The following TIMM17B variants were observed in gnomAD, a reference collection of about 807,000 sequenced individuals.
TIMM17B encodes translocase of inner mitochondrial membrane 17B, also known as mitochondrial import inner membrane translocase subunit Tim17-B.
TIMM17B carries 10 observed loss-of-function variants against 15.9 expected under a neutral mutation model. The ratio of observed to expected loss-of-function variants is 0.63; its 90% CI spans 0.39 to 1.06. The LOEUF (loss-of-function observed/expected upper bound fraction) is 1.06. Among genes scored for constraint, TIMM17B ranks in the 50% least tolerant of loss-of-function variants. The pLI is 0.01. For missense variants in TIMM17B, 114 were observed against 152.2 expected, an observed-to-expected ratio of 0.75 and a Z score of 1.32; for synonymous variants, 57 against 57.2, an observed-to-expected ratio of 1.00 and a Z score of 0.02.
intron 3 of TIMM17B, 129 bp downstream of exon 2, chrX:48,896,630 C>T (rs1196835808): frequency 1.8e-6 from 2 of 1,108,388 alleles, no homozygotes; most frequent in East Asian, 3.3e-5. Flanking sequence ...AGGCTCGGCA[C>T]ATAGTAGGTG....
chrX:48,896,556 G>A (rs1365058899), intron 3 of TIMM17B: 5 of 812,340 alleles, frequency 6.2e-6, no homozygotes, highest in Non-Finnish European at 8.4e-6. Flanking sequence ...CCAGTTGGGT[G>A]GGGTGGAGGG....
intron 3 of TIMM17B, chrX:48,895,567 A>C (rs1018660725): frequency 3.4e-5 from 17 of 493,487 alleles, no homozygotes; most frequent in Non-Finnish European, 4.7e-5. Flanking sequence ...CTCTTGAAGG[A>C]GGGGGAATCT....
In TIMM17B at chrX:48,895,118, A is replaced by G. The variant is rs1557039262; in HGVS notation, c.127-17T>C. The G allele has an allele frequency of 8.5e-7, 1 of 1,173,507 alleles. No homozygotes were observed. Among genetic ancestry groups the G allele is most frequent in the South Asian group, 1.9e-5 (1 of 51,869 alleles). On this transcript the variant is annotated splice_polypyrimidine_tract_variant and intron_variant, in intron 3 of 6. Transcript: ENST00000376582. ...CCGAATTCCCTGGGGAAAGGAAGGA[A>G]GGGCGTTAGGGCAGGGCTGAAGCCA...
At chrX:48,897,853 C>A (rs1474761944) in intron 1 of TIMM17B, 85 bp from the exon 1 acceptor site, 2 of 1,084,787 alleles carry the variant, frequency 1.8e-6, no homozygotes, top group African/African-American at 1.8e-5. Context: ...GTCGCTATAC[C>A]GCATGTCACG....
chrX:48,897,746 C>A lies in TIMM17B; in HGVS notation c.4G>T (p.Glu2Ter). ...TACCAGGGCTCCCGAGCGTACTCCT[C>A]CATGGCGCTGGCGTCTGGCCGCGCA... The change falls in exon 2 of 7, where the codon GAG (glutamate) becomes TAG (stop). Residue 2 changes from glutamate (E) to a stop codon, truncating the protein, a stop_gained. Coordinates refer to ENST00000376582, the Ensembl canonical transcript of TIMM17B. LOFTEE classifies it high-confidence loss of function. The A allele has an allele frequency of 8.3e-7, 1 of 1,210,134 alleles. No individual in the cohort carries two copies. The highest frequency in any genetic ancestry group is 1.1e-6 in the Non-Finnish European group (1 of 894,649).
chrX:48,897,002 A>G (rs1332536031), intron 2 of TIMM17B, 144 bp from the exon 2 acceptor site: 3 of 1,083,062 alleles, frequency 2.8e-6, no homozygotes, highest in Non-Finnish European at 2.4e-6. Flanking sequence ...ATAATGAGCT[A>G]GTTCTGTCAC....
intron 3 of TIMM17B, chrX:48,895,360 C>G (rs781934054): frequency 6.6e-5 from 34 of 513,919 alleles, no homozygotes; most frequent in Non-Finnish European, 1.0e-4. Flanking sequence ...ACTATATGTG[C>G]CAAGCACCAT....
At chrX:48,895,256 C>T (rs782082888) in intron 3 of TIMM17B, 155 bp from the exon 3 acceptor site, 1 of 499,176 alleles carries the variant, frequency 2.0e-6, no homozygotes, top group Non-Finnish European at 3.5e-6. Context: ...TGGAGAGCGC[C>T]CCAACATGGG....
chrX:48,893,537 G>T, exon 7 of TIMM17B: 1 of 393,616 alleles, frequency 2.5e-6, no homozygotes, highest in Non-Finnish European at 4.4e-6. Flanking sequence ...GTGGGGCTGG[G>T]GTGCCCTGAG....
chrX:48,894,176 C>T, exon 5 of TIMM17B: 1 of 1,208,304 alleles, frequency 8.3e-7, no homozygotes, highest in African/African-American at 1.7e-5. Flanking sequence ...GAAGCCGCAC[C>T]AGGCCACAGT....
intron 1 of TIMM17B, chrX:48,898,000 G>A (rs2063334042): frequency 1.0e-6 from 1 of 973,910 alleles, no homozygotes; most frequent in Non-Finnish European, 1.3e-6. Context: ...TGGGAAGAGA[G>A]TCGTGTGGGC....
intron 3 of TIMM17B, 153 bp from the exon 3 acceptor site, chrX:48,895,254 G>A (rs904383768): frequency 3.8e-5 from 19 of 496,724 alleles, no homozygotes; most frequent in African/African-American, 2.3e-4. Flanking sequence ...CCTGGAGAGC[G>A]CCCCAACATG....
chrX:48,896,127 G>C (rs992234777), intron 3 of TIMM17B: 6 of 98,110 alleles, frequency 6.1e-5, no homozygotes, highest in Admixed American at 4.6e-4. Flanking sequence ...ACGCCAGCCT[G>C]GGCAACAGGG....
chrX:48,895,005 C>T (rs782710493), intron 4 of TIMM17B, 33 bp downstream of exon 3: 1 of 1,151,141 alleles, frequency 8.7e-7, no homozygotes, highest in South Asian at 1.9e-5. Flanking sequence ...TTTGCCAAGA[C>T]ATCTCCTATA....
intron 6 of TIMM17B, 25 bp from the exon 6 acceptor site, chrX:48,893,842 G>A (rs1178773020): frequency 1.7e-6 from 2 of 1,183,086 alleles, no homozygotes; most frequent in Non-Finnish European, 2.3e-6. Context: ...CTTGGGTAAG[G>A]ATGAGTGGAA....
At chrX:48,893,611 G>A (rs1366203014) in exon 7 of TIMM17B, 16 of 614,806 alleles carry the variant, frequency 2.6e-5, no homozygotes, top group Non-Finnish European at 2.4e-5. Context: ...TGGGACTAGG[G>A]AGCAGAGTAG....
At chrX:48,897,863 G>T in intron 1 of TIMM17B, 95 bp from the exon 1 acceptor site, 2 of 1,049,912 alleles carry the variant, frequency 1.9e-6, no homozygotes, top group Non-Finnish European at 1.3e-6. Flanking sequence ...CGCATGTCAC[G>T]CCAAGGACGC....
chrX:48,897,758 C>G, exon 2 of TIMM17B: 1 of 1,208,942 alleles, frequency 8.3e-7, no homozygotes. Flanking sequence ...ATGGCGCTGG[C>G]GTCTGGCCGC....
chrX:48,897,917 C>T, intron 1 of TIMM17B, 149 bp from the exon 1 acceptor site: 1 of 904,976 alleles, frequency 1.1e-6, no homozygotes, highest in Non-Finnish European at 1.5e-6. Context: ...TTCATTGCCT[C>T]CTGAGCGTAG....
Sources: gnomAD v4.1 joint callset for allele counts on GRCh38, gnomAD v4.1.1 for gene constraint, MANE v1.5 for transcripts, NCBI Gene and HGNC (gene_info 2026-07-23, HGNC 2026-07-21) for gene names.